MAEA: variants seen among roughly 807,000 people sequenced by gnomAD.
The protein encoded by MAEA is macrophage erythroblast attacher, E3 ubiquitin ligase.
A neutral mutation model predicts 46.2 loss-of-function variants in MAEA; 22 were observed. That is an observed-to-expected ratio of 0.48 (90% CI 0.34 to 0.68). MAEA has a LOEUF of 0.68. Ranked by LOEUF, MAEA falls within the 30% of genes least tolerant of loss-of-function variation. MAEA has a pLI of 0.01. For synonymous variants in MAEA, 246 were observed against 222.6 expected (o/e 1.11, Z -0.94); for missense variants, 393 against 558.1 (o/e 0.70, Z 2.98).
chr4:1,296,737 C>T (rs1173730213), intron 1 of MAEA, among the ~76,000 whole-genome samples: 1 of 152,048 alleles, frequency 6.6e-6, no homozygotes, highest in Non-Finnish European at 1.5e-5. Flanking sequence ...CCCAACACTC[C>T]ACCCAGATGT....
chr4:1,312,182 C>T, intron 2 of MAEA, 21 bp downstream of exon 2: 1 of 1,613,438 alleles, frequency 6.2e-7, no homozygotes, highest in East Asian at 2.2e-5. Context: ...CCTGGCGGTC[C>T]CTCTTCAGTC....
intron 3 of MAEA, among the ~76,000 whole-genome samples, chr4:1,317,317 C>T (rs1737409665): frequency 6.7e-6 from 1 of 148,784 alleles, no homozygotes; most frequent in Non-Finnish European, 1.5e-5. Flanking sequence ...ACTCCAGACT[C>T]ACCCGCAGGC....
intron 3 of MAEA, among the ~76,000 whole-genome samples, chr4:1,319,793 G>A (rs1737791710): frequency 7.3e-6 from 1 of 137,906 alleles, no homozygotes. Context: ...CTTTGTGGGA[G>A]ACCCAACATT....
At chr4:1,296,501 C>A (rs1004934559) in intron 1 of MAEA, among the ~76,000 whole-genome samples, 1 of 147,126 alleles carries the variant, frequency 6.8e-6, no homozygotes. Context: ...TGCGCTGTGC[C>A]CCCCTCACCT....
rs541496006 is a variant in MAEA, at chr4:1,312,283, C to T, written c.252+122C>T. Reference sequence around the variant, plus strand: ...ACGCGGGAGGTGCGGTTGGGGGCCCCCTTCCCTGCTGTCTGCCTTCTGGGG... The same window carrying T: ...ACGCGGGAGGTGCGGTTGGGGGCCCTCTTCCCTGCTGTCTGCCTTCTGGGG... On this transcript the variant is annotated intron_variant, in intron 2 of 8. Coordinates refer to ENST00000303400, the MANE Select transcript of MAEA (RefSeq NM_001017405.3). 4 of 1,154,094 alleles carry T rather than the reference C, an allele frequency of 3.5e-6. No individual in the cohort carries two copies. In the African/African-American group the frequency reaches 6.1e-5, roughly 18 times the overall value. 71.5% of individuals were successfully genotyped at this position (1,154,094 alleles called of 1,614,324 possible). A position where few individuals can be genotyped will look rare whatever the true frequency, so the allele number is the denominator to read the frequency against.
At chr4:1,293,575 A>T (rs1734328445) in intron 1 of MAEA, among the ~76,000 whole-genome samples, 1 of 152,180 alleles carries the variant, frequency 6.6e-6, no homozygotes, top group South Asian at 2.1e-4. Flanking sequence ...GGTGTTCATC[A>T]CCTGGAGACC....
At chr4:1,305,623 G>A (rs920392297) in intron 1 of MAEA, among the ~76,000 whole-genome samples, 2 of 152,140 alleles carry the variant, frequency 1.3e-5, no homozygotes, top group Non-Finnish European at 2.9e-5. Flanking sequence ...CAGGTATCCC[G>A]GCTCCACCAG....
intron 3 of MAEA, among the ~76,000 whole-genome samples, chr4:1,317,904 G>A (rs1453856138): frequency 1.3e-5 from 2 of 152,186 alleles, no homozygotes; most frequent in Non-Finnish European, 2.9e-5. Flanking sequence ...GGACGGGGTC[G>A]TCTGTGATGC....
intron 5 of MAEA, chr4:1,328,877 C>A: frequency 1.9e-6 from 2 of 1,026,688 alleles, no homozygotes; most frequent in Non-Finnish European, 2.4e-6. Context: ...CCCTTCTGTG[C>A]CTGAGAGGGC....
At position 1,308,347 on chromosome 4, in the gene MAEA, T is replaced by C. The variant is rs116720018; in HGVS notation, c.70-3632T>C. 3.5e-3 allele frequency among the ~76,000 whole-genome samples: 540 copies of C among 152,358 alleles called. 3 individuals are homozygous for C. The highest frequency in any genetic ancestry group is 0.012 in the African/African-American group (488 of 41,574). ...TATGTGGTGTGTGACTGCCACGTTT[T>C]CTTTCTTCATTCCCCTGGTGATGGA... On this transcript the variant is annotated intron_variant, in intron 1 of 8. Coordinates refer to ENST00000303400, the MANE Select transcript of MAEA (RefSeq NM_001017405.3).
At chr4:1,336,793 A>C in intron 6 of MAEA, 68 bp from the exon 7 acceptor site, 1 of 1,514,496 alleles carries the variant, frequency 6.6e-7, no homozygotes, top group South Asian at 1.2e-5. Flanking sequence ...ACCATGGTCC[A>C]CGTTTTTAAG....
chr4:1,318,217 C>G (rs896794594), intron 3 of MAEA, among the ~76,000 whole-genome samples: 4 of 152,228 alleles, frequency 2.6e-5, no homozygotes, highest in African/African-American at 4.8e-5. Flanking sequence ...CTCCTAAACG[C>G]CCAGCACACT....
At chr4:1,314,622 T>C (rs1404162864) in intron 2 of MAEA, among the ~76,000 whole-genome samples, 1 of 152,186 alleles carries the variant, frequency 6.6e-6, no homozygotes, top group East Asian at 1.9e-4. Flanking sequence ...TCAGAACTGA[T>C]GAGTACCACC....
intron 7 of MAEA, chr4:1,338,200 G>A (rs965620488): frequency 2.2e-5 from 11 of 498,490 alleles, no homozygotes; most frequent in Admixed American, 3.4e-5. Context: ...GCTGGAGGCC[G>A]GGGTGAGAAG....
intron 2 of MAEA, 56 bp from the exon 3 acceptor site, chr4:1,315,341 G>C: frequency 1.3e-6 from 2 of 1,554,558 alleles, no homozygotes; most frequent in Admixed American, 3.4e-5. Flanking sequence ...GCCTCCCTTG[G>C]TGCAGGGCTG....
At chr4:1,305,293 A>G (rs1735719645) in intron 1 of MAEA, among the ~76,000 whole-genome samples, 1 of 152,152 alleles carries the variant, frequency 6.6e-6, no homozygotes. Flanking sequence ...CCGCTGCACT[A>G]GGTGAGCCCG....
At chr4:1,328,720 G>T (rs1015058082) in intron 5 of MAEA, 11 of 1,254,416 alleles carry the variant, frequency 8.8e-6, no homozygotes, top group Non-Finnish European at 1.1e-5. Flanking sequence ...TCCCCAAGAC[G>T]CACGGCAGAA....
intron 5 of MAEA, chr4:1,328,664 G>C (rs1739152302): frequency 1.6e-6 from 2 of 1,279,396 alleles, no homozygotes; most frequent in East Asian, 1.1e-4. Flanking sequence ...TCCACAGAAG[G>C]CCCATTTGGA....
At chr4:1,297,352 C>T (rs190207118) in intron 1 of MAEA, among the ~76,000 whole-genome samples, 151 of 152,348 alleles carry the variant, frequency 9.9e-4, no homozygotes, top group African/African-American at 3.3e-3. Flanking sequence ...CAGCTCCCTG[C>T]GTGGGGGCCT....
Sources: allele counts gnomAD v4.1 joint callset (sites outside exome capture counted in the v4.1 genomes callset), GRCh38; gene constraint gnomAD v4.1.1; transcripts MANE v1.5; gene names NCBI Gene and HGNC (gene_info 2026-07-23, HGNC 2026-07-21).